Variants in ANK2 observed in about 807,000 individuals in gnomAD.
ANK2 encodes the protein ankyrin 2, also known as ankyrin-2.
Under a neutral mutation model 360.5 loss-of-function variants are expected in ANK2, and 83 were observed. That is an observed-to-expected ratio of 0.23 (90% confidence interval 0.19 to 0.28). The LOEUF (loss-of-function observed/expected upper bound fraction) is 0.28, where lower values mean the gene tolerates loss of function less well. Among genes scored for constraint, ANK2 ranks in the 10% least tolerant of loss-of-function variants. The pLI, the probability that ANK2 is intolerant of heterozygous loss-of-function variation, is 1.00. For synonymous variants in ANK2, 1,740 were observed against 1,759.5 expected (o/e 0.99, Z 0.28); for missense variants, 4,201 against 4,795.7 (o/e 0.88, Z 3.66).
chr4:112,750,082 CT>C, the ANK2 span, among the ~76,000 whole-genome samples: 1 of 151,306 alleles, frequency 6.6e-6, no homozygotes, highest in Non-Finnish European at 1.5e-5. Flanking sequence ...TTCTTTCATA[CT>C]TTTTTTTCTT....
chr4:113,243,394 T>C (rs1042472659), intron 9 of ANK2, among the ~76,000 whole-genome samples: 1 of 152,240 alleles, frequency 6.6e-6, no homozygotes, highest in Non-Finnish European at 1.5e-5. Flanking sequence ...AACTTTATCA[T>C]CTGTAAGCTT....
In ANK2 at chr4:113,353,621, C is replaced by T. The variant is rs1274526896; in HGVS notation, c.5003C>T (p.Ala1668Val). Residue 1668 changes from alanine to valine, a missense_variant, in exon 38 of 46, where the codon GCT becomes GTT. Ala to Val is a moderately conservative substitution (Grantham distance 64, BLOSUM62 0). Transcript: ENST00000357077. ...VQDKAGKKCE[A>V]LAVGRSSEKE... is the part of the protein sequence containing the mutation. ...GATAAGGCAGGGAAGAAATGTGAGG[C>T]TCTGGCTGTTGGCAGGAGCTCTGAA... 6.2e-7 allele frequency: 1 copy of T among 1,613,912 alleles called. No homozygotes were observed. Among genetic ancestry groups the T allele is most frequent in the Non-Finnish European group, 8.5e-7 (1 of 1,179,974 alleles).
At chr4:113,199,215 A>T in intron 4 of ANK2, 106 bp downstream of exon 4, 1 of 889,038 alleles carries the variant, frequency 1.1e-6, no homozygotes, top group Non-Finnish European at 1.8e-6. Flanking sequence ...AATTTATTAT[A>T]AGTGCTTTGT....
intron 1 of ANK2, among the ~76,000 whole-genome samples, chr4:113,139,430 C>A (rs1257896567): frequency 6.6e-6 from 1 of 152,194 alleles, no homozygotes; most frequent in Admixed American, 6.5e-5. Context: ...ATGAAGCCCC[C>A]ATCTTGCTTT....
At chr4:112,759,075 T>C in the ANK2 span, among the ~76,000 whole-genome samples, 2 of 152,226 alleles carry the variant, frequency 1.3e-5, no homozygotes, top group African/African-American at 4.8e-5. Flanking sequence ...CTAGTTTTTC[T>C]ATTTTTGATT....
chr4:112,757,488 C>T, the ANK2 span, among the ~76,000 whole-genome samples: 1 of 152,210 alleles, frequency 6.6e-6, no homozygotes, highest in African/African-American at 2.4e-5. Flanking sequence ...TCACCACGTG[C>T]TAGGCACATT....
Position 113,368,509 on chromosome 4 carries a change from T to A in ANK2, c.11318+658T>A, listed in dbSNP as rs116128929. Among the ~76,000 whole-genome samples, 1,454 of 152,328 alleles carry A rather than the reference T, an allele frequency of 9.5e-3. 25 individuals carry two copies. Among genetic ancestry groups the A allele is most frequent in the African/African-American group, 0.033 (1,370 of 41,568 alleles). Reference sequence around the variant, plus strand: ...TTCTGGCTGAAGGAAGCTGCAGGCCTAATTTGGCTCAGAATTTAAGTTCCG... The same window carrying A: ...TTCTGGCTGAAGGAAGCTGCAGGCCAAATTTGGCTCAGAATTTAAGTTCCG... On this transcript the variant is annotated intron_variant, in intron 42 of 45. Coordinates refer to ENST00000357077, the MANE Select transcript of ANK2 (RefSeq NM_001148.6).
At chr4:113,073,957 A>G (rs1239361849) in intron 1 of ANK2, among the ~76,000 whole-genome samples, 1 of 152,220 alleles carries the variant, frequency 6.6e-6, no homozygotes, top group Non-Finnish European at 1.5e-5. Context: ...ACTTGAAGAG[A>G]GGAGAAAAGT....
At chr4:113,259,025 G>A (rs891135362) in intron 13 of ANK2, among the ~76,000 whole-genome samples, 3 of 152,198 alleles carry the variant, frequency 2.0e-5, no homozygotes, top group African/African-American at 7.2e-5. Context: ...TGGAATGAAT[G>A]TTGGTCTCCA....
At chr4:112,802,069 A>C in the ANK2 span, among the ~76,000 whole-genome samples, 1 of 152,098 alleles carries the variant, frequency 6.6e-6, no homozygotes, top group Non-Finnish European at 1.5e-5. Context: ...GAAAAGGGTC[A>C]CTTCCTGGTT....
intron 1 of ANK2, among the ~76,000 whole-genome samples, chr4:113,165,337 A>T (rs930489384): frequency 6.6e-6 from 1 of 152,238 alleles, no homozygotes; most frequent in African/African-American, 2.4e-5. Flanking sequence ...ATTATTAAAT[A>T]TCCAATGTGG....
At chr4:113,278,848 T>A (rs2061215136) in intron 17 of ANK2, among the ~76,000 whole-genome samples, 1 of 152,264 alleles carries the variant, frequency 6.6e-6, no homozygotes, top group African/African-American at 2.4e-5. Flanking sequence ...GTCTGAATTT[T>A]GAGAACTGAG....
chr4:113,380,617 G>A (rs1472089213), intron 45 of ANK2, among the ~76,000 whole-genome samples: 5 of 152,186 alleles, frequency 3.3e-5, no homozygotes, highest in Non-Finnish European at 5.9e-5. Context: ...AGCCAAGATC[G>A]CACCAATGCA....
At chr4:113,310,137 A>G (rs1173573174) in intron 23 of ANK2, among the ~76,000 whole-genome samples, 1 of 152,232 alleles carries the variant, frequency 6.6e-6, no homozygotes, top group African/African-American at 2.4e-5. Context: ...AGAAATAAGA[A>G]AATTTGAAAT....
intron 2 of ANK2, among the ~76,000 whole-genome samples, chr4:112,911,488 A>G (rs896667105): frequency 1.3e-5 from 2 of 151,614 alleles, no homozygotes; most frequent in Non-Finnish European, 2.9e-5. Flanking sequence ...GAACCACTGC[A>G]CTCCAGCCTG....
intron 2 of ANK2, among the ~76,000 whole-genome samples, chr4:112,976,191 C>G (rs1191017974): frequency 6.7e-6 from 1 of 150,360 alleles, no homozygotes; most frequent in Non-Finnish European, 1.5e-5. Flanking sequence ...GTATTACTGG[C>G]TGTGGAATTT....
chr4:112,739,282 G>A, the ANK2 span, among the ~76,000 whole-genome samples: 11 of 152,284 alleles, frequency 7.2e-5, no homozygotes, highest in South Asian at 2.3e-3. Flanking sequence ...GCACTTAGAA[G>A]CACGCCACTG....
In ANK2 at chr4:113,339,312, G is replaced by A; in HGVS notation, c.3883G>A (p.Val1295Met). ...VNECVSFTTN[V>M]SARFWLIDCR... ...TGAATGTGTTTCCTTTACAACAAACGTGTCTGCCAGGTATCGTTATATAGC... is the reference window on the plus strand; with the variant it reads ...TGAATGTGTTTCCTTTACAACAAACATGTCTGCCAGGTATCGTTATATAGC... Residue 1295 changes from valine to methionine, a missense_variant, in exon 32 of 46, where the codon GTG becomes ATG. By Grantham distance (21) the Val-to-Met change is conservative. Coordinates refer to ENST00000357077, the MANE Select transcript of ANK2 (RefSeq NM_001148.6). 6.2e-7 allele frequency: 1 copy of A among 1,613,410 alleles called. No individual in the cohort carries two copies. Among genetic ancestry groups the A allele is most frequent in the Non-Finnish European group, 8.5e-7 (1 of 1,179,514 alleles).
intron 2 of ANK2, among the ~76,000 whole-genome samples, chr4:113,015,052 A>G (rs1324793382): frequency 6.6e-6 from 1 of 151,180 alleles, no homozygotes; most frequent in Non-Finnish European, 1.5e-5. Context: ...TAGAGGCGGG[A>G]TTTCACTGTG....
Sources: gnomAD v4.1 joint callset for allele counts (sites outside exome capture counted in the v4.1 genomes callset) on GRCh38, gnomAD v4.1.1 for gene constraint, MANE v1.5 for transcripts, NCBI Gene and HGNC (gene_info 2026-07-23, HGNC 2026-07-21) for gene names.